Variants in TRMT11 observed in about 807,000 individuals in gnomAD.
TRMT11 encodes the protein tRNA (guanine(10)-N(2))-methyltransferase TRMT11.
A neutral mutation model predicts 62.8 loss-of-function variants in TRMT11; 53 were observed. That is an observed-to-expected ratio of 0.84 (90% confidence interval 0.68 to 1.06). The LOEUF (loss-of-function observed/expected upper bound fraction) is 1.06. Ranked by LOEUF, TRMT11 falls within the 50% of genes least tolerant of loss-of-function variation. The pLI is 0.00. For synonymous variants in TRMT11, 188 were observed against 190.3 expected, an observed-to-expected ratio of 0.99 and a Z score of 0.10; for missense variants, 556 against 553.4, an observed-to-expected ratio of 1.00 and a Z score of -0.05.
intron 21 of TRMT11, among the ~76,000 whole-genome samples, chr6:126,168,939 A>G (rs974669394): frequency 1.3e-5 from 2 of 152,240 alleles, no homozygotes; most frequent in African/African-American, 4.8e-5. Context: ...ATTGCTAAGA[A>G]AATTTTCCAT....
At chr6:126,264,230 TGAG>T in the TRMT11 span, among the ~76,000 whole-genome samples, 1 of 152,222 alleles carries the variant, frequency 6.6e-6, no homozygotes, top group Non-Finnish European at 1.5e-5. Flanking sequence ...ATCAATTCTG[TGAG>T]GAGAACATAT....
At chr6:126,057,201 C>T (rs189797860) in intron 17 of TRMT11, among the ~76,000 whole-genome samples, 6 of 152,314 alleles carry the variant, frequency 3.9e-5, no homozygotes, top group Admixed American at 6.5e-5. Context: ...CAAGCCTTTG[C>T]GGCTCTCCTC....
In TRMT11 at chr6:126,126,207, G is replaced by C. The variant is rs545110737; in HGVS notation, c.*1823+10352G>C. Among the ~76,000 whole-genome samples the C allele has an allele frequency of 1.1e-4, 17 of 152,208 alleles. No homozygotes were observed. The South Asian group carries it at 1.5e-3, about 13-fold the overall frequency. On this transcript the variant is annotated intron_variant and NMD_transcript_variant, in intron 21 of 22. Coordinates refer to the TRMT11 transcript ENST00000648977. ...AAAATTCCTAAAGGAATACTAATCT[G>C]TTAACCTGTAGCTTTCAAAGACATG... is the stretch of plus-strand genomic sequence containing the variant.
the TRMT11 span, among the ~76,000 whole-genome samples, chr6:126,243,605 TA>T: frequency 3.2e-4 from 48 of 152,156 alleles, no homozygotes; most frequent in East Asian, 5.2e-3. Flanking sequence ...TATGCAGCCA[TA>T]AAAAAAGATG....
the TRMT11 span, chr6:126,257,934 G>A: frequency 1.3e-6 from 2 of 1,548,144 alleles, no homozygotes; most frequent in Non-Finnish European, 1.8e-6. Context: ...CTTCTTCTGG[G>A]GTGTGCTCAG....
chr6:126,123,407 C>A (rs1284695551), intron 21 of TRMT11, among the ~76,000 whole-genome samples: 1 of 152,012 alleles, frequency 6.6e-6, no homozygotes, highest in Non-Finnish European at 1.5e-5. Flanking sequence ...TTGCCAGACG[C>A]CAGATGAGAT....
chr6:126,177,997 A>G (rs1461330556), intron 1 of TRMT11, among the ~76,000 whole-genome samples: 2 of 152,034 alleles, frequency 1.3e-5, no homozygotes, highest in African/African-American at 4.8e-5. Context: ...TCCCCTTACT[A>G]TCAAACTGGG....
the TRMT11 span, among the ~76,000 whole-genome samples, chr6:126,264,774 G>T: frequency 7.8e-4 from 119 of 152,176 alleles, 2 homozygotes; most frequent in Non-Finnish European, 1.8e-4. Context: ...CAGCAGAATT[G>T]CCTTTGGTCT....
At chr6:126,014,281 C>T (rs1794668340) in intron 11 of TRMT11, among the ~76,000 whole-genome samples, 1 of 150,880 alleles carries the variant, frequency 6.6e-6, no homozygotes, top group African/African-American at 2.4e-5. Flanking sequence ...GACAGGGTTT[C>T]ACTTTGTCAC....
the TRMT11 span, among the ~76,000 whole-genome samples, chr6:126,269,164 T>C: frequency 1.5e-3 from 223 of 145,672 alleles, no homozygotes; most frequent in African/African-American, 5.6e-3. Flanking sequence ...CTTGGGAGGC[T>C]GAGGCAGGAG....
the TRMT11 span, among the ~76,000 whole-genome samples, chr6:126,242,905 A>C: frequency 2.0e-5 from 3 of 152,338 alleles, no homozygotes; most frequent in South Asian, 2.1e-4. Flanking sequence ...CACCAAAAGC[A>C]ATGGCCACAA....
chr6:126,171,614 TA>T (rs2128236198), intron 21 of TRMT11, among the ~76,000 whole-genome samples: 1 of 152,326 alleles, frequency 6.6e-6, no homozygotes, highest in Admixed American at 6.5e-5. Flanking sequence ...GGAATAGTCA[TA>T]AAACAATTTG....
rs151123927 is a variant in TRMT11, at chr6:126,049,680, A to G, written c.*1370-3443A>G. On this transcript the variant is annotated intron_variant and NMD_transcript_variant, in intron 16 of 22. Coordinates refer to the TRMT11 transcript ENST00000648977. ...AAAAAGATAGTTAACACAAAGTAGAATGAATTAAGTACACAGGAGAAGCCT... is the reference window on the plus strand; with the variant it reads ...AAAAAGATAGTTAACACAAAGTAGAGTGAATTAAGTACACAGGAGAAGCCT... Among the ~76,000 whole-genome samples the G allele has an allele frequency of 2.6e-3, 392 of 152,346 alleles. 1 individual carries two copies. The highest frequency in any genetic ancestry group is 8.9e-3 in the African/African-American group (368 of 41,574).
At chr6:126,001,540 T>A (rs1792483120) in intron 7 of TRMT11, among the ~76,000 whole-genome samples, 1 of 152,130 alleles carries the variant, frequency 6.6e-6, no homozygotes, top group Admixed American at 6.6e-5. Flanking sequence ...TTTTTGATCA[T>A]CTGGTCTAGG....
chr6:126,037,483 A>G (rs1009414822), intron 12 of TRMT11, among the ~76,000 whole-genome samples: 1 of 151,948 alleles, frequency 6.6e-6, no homozygotes, highest in Non-Finnish European at 1.5e-5. Flanking sequence ...ATTAATAGTA[A>G]CCTTTAACAT....
At chr6:126,057,495 G>T (rs1776406386) in intron 17 of TRMT11, among the ~76,000 whole-genome samples, 1 of 152,124 alleles carries the variant, frequency 6.6e-6, no homozygotes, top group African/African-American at 2.4e-5. Context: ...TGGATTAGTG[G>T]CTTTATGGTC....
At chr6:126,049,036 C>T (rs1263291957) in intron 16 of TRMT11, among the ~76,000 whole-genome samples, 2 of 152,192 alleles carry the variant, frequency 1.3e-5, no homozygotes, top group Non-Finnish European at 2.9e-5. Context: ...GGGCTACAGT[C>T]AAGACATTTG....
intron 1 of TRMT11, among the ~76,000 whole-genome samples, chr6:126,187,820 A>G (rs1381254356): frequency 6.6e-6 from 1 of 151,668 alleles, no homozygotes; most frequent in Non-Finnish European, 1.5e-5. Flanking sequence ...ACTCATGTAT[A>G]TACAGTAAAT....
chr6:126,239,303 C>T, the TRMT11 span, among the ~76,000 whole-genome samples: 7 of 152,108 alleles, frequency 4.6e-5, no homozygotes, highest in African/African-American at 9.7e-5. Context: ...TTCCTAGCCT[C>T]GATGGTCTTT....
Sources: gnomAD v4.1 joint callset for allele counts (sites outside exome capture counted in the v4.1 genomes callset) on GRCh38, gnomAD v4.1.1 for gene constraint, MANE v1.5 for transcripts, NCBI Gene and HGNC (gene_info 2026-07-23, HGNC 2026-07-21) for gene names.